Variants in MSRA observed in about 807,000 individuals in gnomAD.
The protein encoded by MSRA is mitochondrial peptide methionine sulfoxide reductase.
In MSRA, 54 loss-of-function variants were observed where a neutral mutation model predicts 31.3. The observed-to-expected ratio is 1.73, with a 90% CI of 1.39 to 2.17. The LOEUF (loss-of-function observed/expected upper bound fraction) is 2.17, where lower values mean the gene tolerates loss of function less well. Ranked by LOEUF, MSRA falls within the 30% of genes most tolerant of loss-of-function variation. MSRA has a pLI of 0.00. For synonymous variants in MSRA, 169 were observed against 116.5 expected, an observed-to-expected ratio of 1.45 and a Z score of -2.90; for missense variants, 507 against 300.9, an observed-to-expected ratio of 1.69 and a Z score of -5.07.
intron 5 of MSRA, among the ~76,000 whole-genome samples, chr8:10,395,300 A>G (rs1229265117): frequency 1.3e-5 from 2 of 152,080 alleles, no homozygotes; most frequent in Non-Finnish European, 2.9e-5. Context: ...GGTAAGGGAG[A>G]GGCAATGCCT....
At chr8:10,313,552 G>A (rs1342913906) in intron 4 of MSRA, among the ~76,000 whole-genome samples, 3 of 151,986 alleles carry the variant, frequency 2.0e-5, no homozygotes, top group African/African-American at 7.2e-5. Flanking sequence ...CTAATATTGG[G>A]TCTTGTTTAT....
At chr8:10,296,978 C>T (rs1045064654) in intron 3 of MSRA, among the ~76,000 whole-genome samples, 26 of 152,196 alleles carry the variant, frequency 1.7e-4, no homozygotes, top group African/African-American at 5.8e-4. Flanking sequence ...AGCAGCCCAA[C>T]AGTAGCAAAA....
chr8:10,318,327 A>T (rs1052061897), intron 4 of MSRA, among the ~76,000 whole-genome samples: 1 of 152,156 alleles, frequency 6.6e-6, no homozygotes, highest in Non-Finnish European at 1.5e-5. Flanking sequence ...ACAAGAAATG[A>T]TGGCAAAGAC....
chr8:10,173,032 G>C (rs1055925575), intron 1 of MSRA, among the ~76,000 whole-genome samples: 1 of 152,228 alleles, frequency 6.6e-6, no homozygotes, highest in African/African-American at 2.4e-5. Context: ...TAGGTGGAGA[G>C]AAAGAGAAAG....
chr8:10,149,445 C>T (rs1040455672), intron 1 of MSRA, among the ~76,000 whole-genome samples: 3 of 152,188 alleles, frequency 2.0e-5, no homozygotes, highest in Non-Finnish European at 1.5e-5. Context: ...TATGCAACTT[C>T]TGTCCTGCTG....
chr8:10,176,106 A>G (rs1806027392), intron 1 of MSRA, among the ~76,000 whole-genome samples: 1 of 152,216 alleles, frequency 6.6e-6, no homozygotes, highest in Admixed American at 6.5e-5. Context: ...GATCTGTAAT[A>G]ATGGAAATCT....
chr8:10,143,822 T>C (rs1378272223), intron 1 of MSRA, among the ~76,000 whole-genome samples: 3 of 152,232 alleles, frequency 2.0e-5, no homozygotes, highest in Non-Finnish European at 4.4e-5. Flanking sequence ...GTTGTTTTAA[T>C]GTGACCTCTA....
At chr8:10,396,526 G>C (rs137978780) in intron 5 of MSRA, among the ~76,000 whole-genome samples, 5 of 152,338 alleles carry the variant, frequency 3.3e-5, no homozygotes, top group Non-Finnish European at 7.3e-5. Flanking sequence ...TCCTGTGAAA[G>C]TGTGTCCTGG....
intron 1 of MSRA, among the ~76,000 whole-genome samples, chr8:10,076,553 G>A (rs1369312566): frequency 1.3e-5 from 2 of 152,126 alleles, no homozygotes; most frequent in Non-Finnish European, 2.9e-5. Context: ...GTGCATTTAC[G>A]CAGCTTCCAT....
intron 1 of MSRA, among the ~76,000 whole-genome samples, chr8:10,182,626 T>C (rs1280448238): frequency 6.6e-6 from 1 of 152,210 alleles, no homozygotes. Context: ...TGAGATGTTA[T>C]GATACAAGCA....
intron 1 of MSRA, among the ~76,000 whole-genome samples, chr8:10,121,133 T>TC (rs1801075573): frequency 6.6e-6 from 1 of 152,146 alleles, no homozygotes. Flanking sequence ...GTAAGGATGA[T>TC]CTTGACAACA....
intron 5 of MSRA, among the ~76,000 whole-genome samples, chr8:10,326,823 C>T (rs1247839527): frequency 6.6e-6 from 1 of 152,216 alleles, no homozygotes; most frequent in Non-Finnish European, 1.5e-5. Context: ...GTGAGCCCAT[C>T]ATGAGAAACA....
intron 4 of MSRA, among the ~76,000 whole-genome samples, chr8:10,318,500 ATATT>A (rs1428310182): frequency 3.9e-5 from 6 of 152,146 alleles, no homozygotes; most frequent in Non-Finnish European, 8.8e-5. Context: ...TGGAGAGAAC[ATATT>A]TATTTGCAGA....
chr8:10,283,264 C>A (rs1460613132), intron 3 of MSRA, among the ~76,000 whole-genome samples: 1 of 151,970 alleles, frequency 6.6e-6, no homozygotes, highest in Non-Finnish European at 1.5e-5. Context: ...CAGTATCACA[C>A]GGTGGATCCT....
chr8:10,334,707 G>A (rs1802916920), intron 5 of MSRA, among the ~76,000 whole-genome samples: 1 of 152,222 alleles, frequency 6.6e-6, no homozygotes, highest in South Asian at 2.1e-4. Context: ...CCTCAGGAGC[G>A]GAGATGAAAG....
intron 3 of MSRA, among the ~76,000 whole-genome samples, chr8:10,253,308 C>T (rs1020713631): frequency 6.6e-6 from 1 of 152,188 alleles, no homozygotes; most frequent in Non-Finnish European, 1.5e-5. Context: ...GCTACGTGTT[C>T]TTCATATGAC....
Position 10,054,408 on chromosome 8 carries a change from CCTG to C in MSRA, c.-107_-105del. 8.9e-6 allele frequency: 9 copies of C among 1,014,774 alleles called. No individual in the cohort carries two copies. The highest frequency in any genetic ancestry group is 1.2e-5 in the Non-Finnish European group (9 of 781,754). 62.9% of individuals were successfully genotyped at this position (1,014,774 alleles called of 1,614,324 possible). On this transcript the variant is annotated 5_prime_UTR_variant, in exon 1 of 6. Coordinates refer to ENST00000317173, the MANE Select transcript of MSRA (RefSeq NM_012331.5). ...CGCCCCGCGCCCGCCCGCCCGCGCC[CCTG>C]CCGCCCCCCGGTTCCGGCCGCGGAC...
chr8:10,428,009 A>G, intron 5 of MSRA, 139 bp from the exon 6 acceptor site: 1 of 812,510 alleles, frequency 1.2e-6, no homozygotes. Context: ...TGGAATGCGG[A>G]GAGCCCGGCC....
chr8:10,240,934 G>A (rs1812360010), intron 2 of MSRA, among the ~76,000 whole-genome samples: 1 of 152,218 alleles, frequency 6.6e-6, no homozygotes, highest in South Asian at 2.1e-4. Flanking sequence ...GGGAGTTGGT[G>A]CAGCCTGGTG....
Sources: gnomAD v4.1 joint callset for allele counts (sites outside exome capture counted in the v4.1 genomes callset) on GRCh38, gnomAD v4.1.1 for gene constraint, MANE v1.5 for transcripts, NCBI Gene and HGNC (gene_info 2026-07-23, HGNC 2026-07-21) for gene names.